RRP1: variants seen among roughly 807,000 people sequenced by gnomAD.
The protein encoded by RRP1 is ribosomal RNA processing 1, also known as ribosomal RNA processing protein 1 homolog A.
In RRP1, 37 loss-of-function variants were observed where a neutral mutation model predicts 54.6. The observed-to-expected ratio is 0.68, with a 90% CI of 0.52 to 0.89. RRP1 has a LOEUF of 0.89. Among genes scored for constraint, RRP1 ranks in the 40% least tolerant of loss-of-function variants. The probability of loss-of-function intolerance (pLI) is 0.00; values close to 1 mark genes in which losing one functional copy is unlikely to be tolerated. For synonymous variants in RRP1, 262 were observed against 244.3 expected (o/e 1.07, Z -0.67); for missense variants, 639 against 612.5 (o/e 1.04, Z -0.46).
At position 43,797,523 on chromosome 21, in the gene RRP1, A is replaced by T; in HGVS notation, c.524A>T (p.Glu175Val). 6.2e-7 allele frequency: 1 copy of T among 1,613,986 alleles called. No individual in the cohort carries two copies. Among genetic ancestry groups the T allele is most frequent in the Non-Finnish European group, 8.5e-7 (1 of 1,179,938 alleles). ...AGCCACTTCATCGAGATCTTCCTGG[A>T]GGAGCTGACCAAAGTGGGCGCCGAG... ...VKSHFIEIFL[E>V]ELTKVGAEEL... Residue 175 changes from glutamate (E) to valine (V), a missense_variant, in exon 6 of 13, where the codon GAG (glutamate) becomes GTG (valine). Coordinates refer to ENST00000497547, the MANE Select transcript of RRP1 (RefSeq NM_003683.6).
intron 4 of RRP1, among the ~76,000 whole-genome samples, chr21:43,794,364 C>T (rs1435096774): frequency 6.6e-6 from 1 of 152,166 alleles, no homozygotes; most frequent in African/African-American, 2.4e-5. Flanking sequence ...TGGATGGATG[C>T]GTTCTGCTGC....
chr21:43,789,797 G>A (rs1182942773), intron 1 of RRP1, 35 bp downstream of exon 1: 8 of 1,482,208 alleles, frequency 5.4e-6, no homozygotes, highest in Non-Finnish European at 6.3e-6. Context: ...CGTCTCGGGG[G>A]CCGGCTGGGC....
intron 2 of RRP1, among the ~76,000 whole-genome samples, chr21:43,791,868 C>T (rs572498376): frequency 4.6e-5 from 7 of 152,216 alleles, no homozygotes; most frequent in African/African-American, 1.7e-4. Flanking sequence ...ACGCTTGGTT[C>T]GGCACGGCTG....
In RRP1 at chr21:43,802,293, G is replaced by A; in HGVS notation, c.1029G>A (p.Glu343=). 1 of 1,613,720 alleles carries A rather than the reference G, an allele frequency of 6.2e-7. No homozygotes were observed. The highest frequency in any genetic ancestry group is 8.5e-7 in the Non-Finnish European group (1 of 1,179,904). ...DLAGGIFPED[E]IPEKACRRLL... is the part of the protein sequence containing the mutation. ...TCTCAGGCATTTTCCCTGAAGATGA[G>A]ATCCCAGAGAAGGCCTGCAGGCGCC... Residue 343 remains glutamate, a synonymous_variant, in exon 12 of 13, where the codon GAG becomes GAA. Coordinates refer to ENST00000497547, the MANE Select transcript of RRP1 (RefSeq NM_003683.6).
rs1319926419 is a variant in RRP1 at position 43,793,151 on chromosome 21, C to G, written c.275-168C>G. The G allele has an allele frequency of 4.7e-6, 3 of 641,672 alleles. No homozygotes were observed. In the African/African-American group the frequency reaches 5.5e-5, roughly 12 times the overall value. The allele number at this position is 641,672 out of a possible 1,614,324, so 39.7% of individuals were successfully genotyped here. On this transcript the variant is annotated intron_variant, in intron 3 of 12. Transcript: ENST00000497547. The stretch of plus-strand genomic sequence containing the variant: ...CACTTGAGGAGCCTCTAAAAATCCT[C>G]ATGTCCAGATCCTGGTCCAGCAAGA...
rs1230938888 is a variant in RRP1, at chr21:43,798,013, G to A, written c.724G>A (p.Glu242Lys). 1 of 1,614,218 alleles carries A rather than the reference G, an allele frequency of 6.2e-7. No homozygotes were observed. The highest frequency in any genetic ancestry group is 8.5e-7 in the Non-Finnish European group (1 of 1,180,016). Residue 242 changes from glutamate (E) to lysine (K), a missense_variant, in exon 8 of 13, where the codon GAG becomes AAG. Coordinates refer to ENST00000497547, the MANE Select transcript of RRP1 (RefSeq NM_003683.6). Reference protein sequence around the residue: ...LLNELDTQDEEVASDSDESSE... With the variant: ...LLNELDTQDEKVASDSDESSE... ...GAATGAACTGGACACACAGGATGAG[G>A]AGGTGGCGTCGGACAGTGATGAGTC...
Position 43,797,963 on chromosome 21 carries a change from C to T in RRP1, c.674C>T (p.Ala225Val), listed in dbSNP as rs747472096. 8 of 1,614,060 alleles carry T rather than the reference C, an allele frequency of 5.0e-6. No homozygotes were observed. The highest frequency in any genetic ancestry group is 1.7e-5 in the Admixed American group (1 of 59,994). The change falls in exon 8 of 13, where the codon GCC (alanine) becomes GTC (valine). Residue 225 changes from alanine to valine, a missense_variant. Physicochemically the swap from Ala to Val is moderately conservative, Grantham distance 64. Transcript: ENST00000497547. ...ATCTTTGAGACGATTGTGGAGCAGG[C>T]CCCGCTTGCCATTGAAGACCTCCTG... The part of the protein sequence containing the change: ...RGIFETIVEQ[A>V]PLAIEDLLNE...
In RRP1 at chr21:43,797,904, C is replaced by G; in HGVS notation, c.618-3C>G. On this transcript the variant is annotated splice_polypyrimidine_tract_variant and splice_region_variant and intron_variant, in intron 7 of 12. Transcript: ENST00000497547. ...GCTCACCGGCCTCTGCTCTGCCCCT[C>G]AGTTCCTTGGTTTTGAACAACATCA... 1 of 1,612,686 alleles carries G rather than the reference C, an allele frequency of 6.2e-7. No individual in the cohort carries two copies.
intron 8 of RRP1, 70 bp downstream of exon 8, chr21:43,798,170 G>A: frequency 7.2e-7 from 1 of 1,395,758 alleles, no homozygotes; most frequent in South Asian, 1.4e-5. Flanking sequence ...ATCTCCTGCT[G>A]GGTTGCTCCT....
rs878940427 is a variant in RRP1 at position 43,797,812 on chromosome 21, C to T, written c.618-95C>T. On this transcript the variant is annotated intron_variant, in intron 7 of 12. Coordinates refer to ENST00000497547, the MANE Select transcript of RRP1 (RefSeq NM_003683.6). ...AATCTGTCTCAGAGTGGCCGCTGGC[C>T]GTGTGGGTGGGGAGAGGTTGCAGGG... is the stretch of plus-strand genomic sequence containing the variant. 105 of 1,562,460 alleles carry T rather than the reference C, an allele frequency of 6.7e-5. 2 individuals are homozygous for T. The South Asian group carries it at 7.3e-4, about 11-fold the overall frequency.
chr21:43,797,400 T>G, intron 5 of RRP1, 22 bp from the exon 6 acceptor site: 6 of 1,599,436 alleles, frequency 3.8e-6, no homozygotes, highest in Non-Finnish European at 5.1e-6. Flanking sequence ...CTGCCTGTCA[T>G]GTTTGCTTTT....
chr21:43,790,781 G>C, intron 1 of RRP1: 1 of 299,972 alleles, frequency 3.3e-6, no homozygotes, highest in South Asian at 2.7e-5. Flanking sequence ...ACAAATTGGG[G>C]TCTTCCTATG....
intron 5 of RRP1, among the ~76,000 whole-genome samples, chr21:43,796,904 C>T (rs973165716): frequency 6.6e-6 from 1 of 152,196 alleles, no homozygotes; most frequent in East Asian, 1.9e-4. Flanking sequence ...CTCTGGTGGA[C>T]GTCACAGTTG....
chr21:43,801,637 A>G (rs2085092759), intron 11 of RRP1, among the ~76,000 whole-genome samples: 1 of 152,024 alleles, frequency 6.6e-6, no homozygotes, highest in Non-Finnish European at 1.5e-5. Flanking sequence ...CACGCCGGCT[A>G]ATTGTTGTAT....
intron 3 of RRP1, 153 bp downstream of exon 3, chr21:43,792,882 A>T: frequency 1.3e-6 from 1 of 747,768 alleles, no homozygotes; most frequent in Non-Finnish European, 2.3e-6. Flanking sequence ...GGTGCTTAGC[A>T]TGTGTGCAGT....
chr21:43,790,664 T>C (rs1487436005), intron 1 of RRP1: 2 of 230,228 alleles, frequency 8.7e-6, no homozygotes, highest in African/African-American at 4.6e-5. Context: ...TACAGCTCAC[T>C]GCAGCCTCTA....
In RRP1 at chr21:43,800,525, C is replaced by G. The variant is rs184033526; in HGVS notation, c.900C>G (p.Tyr300Ter). The change falls in exon 10 of 13, where the codon TAC becomes TAG. Residue 300 changes from tyrosine to a stop codon, truncating the protein, a stop_gained. Transcript: ENST00000497547. LOFTEE classifies it high-confidence loss of function. ...TCTCTCTTTTGAAACAGTTTGACTA[C>G]GAGGCAGTTGCTAACAGACTGTTTG... ...DSGGPVLQFD[Y>*]EAVANRLFEM... The G allele has an allele frequency of 6.2e-7, 1 of 1,614,084 alleles. No homozygotes were observed. The highest frequency in any genetic ancestry group is 1.3e-5 in the African/African-American group (1 of 74,954).
In RRP1 at chr21:43,791,470, C is replaced by T. The variant is rs374144513; in HGVS notation, c.216+38C>T. On this transcript the variant is annotated intron_variant, in intron 2 of 12. Coordinates refer to ENST00000497547, the MANE Select transcript of RRP1 (RefSeq NM_003683.6). ...AGCAGCAGAGCAGGTACAGAAGCAGCGGGGGAGGATGGATGGGCATCTGGT... is the reference window on the plus strand; with the variant it reads ...AGCAGCAGAGCAGGTACAGAAGCAGTGGGGGAGGATGGATGGGCATCTGGT... 1.8e-5 allele frequency: 28 copies of T among 1,583,954 alleles called. 1 individual carries two copies. Among genetic ancestry groups the T allele is most frequent in the Middle Eastern group, 1.7e-4 (1 of 6,014 alleles).
At chr21:43,800,413 C>G in intron 9 of RRP1, 104 bp from the exon 10 acceptor site, 1 of 1,026,854 alleles carries the variant, frequency 9.7e-7, no homozygotes, top group Non-Finnish European at 1.5e-6. Context: ...GGTGGAGAAC[C>G]TGCAAGTGGG....
Sources: allele counts gnomAD v4.1 joint callset (sites outside exome capture counted in the v4.1 genomes callset), GRCh38; gene constraint gnomAD v4.1.1; transcripts MANE v1.5; gene names NCBI Gene and HGNC (gene_info 2026-07-23, HGNC 2026-07-21).